The following LUC7L variants were observed in gnomAD, a reference collection of about 807,000 sequenced individuals.
The protein encoded by LUC7L is LUC7 like, also known as putative RNA-binding protein Luc7-like 1.
In LUC7L, 29 loss-of-function variants were observed where a neutral mutation model predicts 51.1. The ratio of observed to expected loss-of-function variants is 0.57; its 90% CI spans 0.42 to 0.77. The LOEUF (loss-of-function observed/expected upper bound fraction) is 0.77. Among genes scored for constraint, LUC7L ranks in the 30% least tolerant of loss-of-function variants. LUC7L has a pLI of 0.00. For synonymous variants in LUC7L, 181 were observed against 180.7 expected (o/e 1.00, Z -0.01); for missense variants, 403 against 511.9 (o/e 0.79, Z 2.05).
At chr16:219,022 G>A (rs1422636288) in intron 3 of LUC7L, among the ~76,000 whole-genome samples, 2 of 149,968 alleles carry the variant, frequency 1.3e-5, no homozygotes, top group East Asian at 3.9e-4. Context: ...TCACTGAGCC[G>A]AAGAGGTCAA....
intron 5 of LUC7L, among the ~76,000 whole-genome samples, chr16:199,445 TG>T (rs2049256075): frequency 6.6e-6 from 1 of 152,112 alleles, no homozygotes; most frequent in Admixed American, 6.6e-5. Flanking sequence ...CCCAGCACTT[TG>T]TGAGGCCAGG....
At chr16:224,023 G>C (rs1373267948) in intron 2 of LUC7L, among the ~76,000 whole-genome samples, 1 of 151,840 alleles carries the variant, frequency 6.6e-6, no homozygotes, top group Non-Finnish European at 1.5e-5. Context: ...AAAATATATA[G>C]TTTCCACAAA....
At chr16:199,461 C>T (rs948004463) in intron 5 of LUC7L, among the ~76,000 whole-genome samples, 3 of 152,096 alleles carry the variant, frequency 2.0e-5, no homozygotes, top group African/African-American at 4.8e-5. Flanking sequence ...GCCAGGTGGG[C>T]GGACCATGTG....
At chr16:202,369 AC>A (rs770812904) in intron 5 of LUC7L, among the ~76,000 whole-genome samples, 3 of 152,046 alleles carry the variant, frequency 2.0e-5, no homozygotes, top group Non-Finnish European at 4.4e-5. Flanking sequence ...AACACCTCCC[AC>A]TAGACCCCAC....
Position 229,384 on chromosome 16 carries a change from A to G in LUC7L, c.-45T>C. 6.9e-7 allele frequency: 1 copy of G among 1,446,812 alleles called. No homozygotes were observed. Among genetic ancestry groups the G allele is most frequent in the East Asian group, 2.9e-5 (1 of 34,372 alleles). 89.6% of individuals were successfully genotyped at this position (1,446,812 alleles called of 1,614,324 possible). On this transcript the variant is annotated 5_prime_UTR_variant, in exon 1 of 10. Transcript: ENST00000293872. ...GGGGTCGGCCGCGACGACTTCTCTC[A>G]GGCAGGCGGTGGCAGCGGCGTCGAC...
intron 2 of LUC7L, among the ~76,000 whole-genome samples, chr16:225,765 G>A (rs1440862667): frequency 2.6e-5 from 4 of 150,944 alleles, no homozygotes; most frequent in African/African-American, 4.9e-5. Flanking sequence ...GATTACAGGC[G>A]TGAGCCACCG....
At chr16:224,786 T>G (rs1255286338) in intron 2 of LUC7L, among the ~76,000 whole-genome samples, 2 of 151,492 alleles carry the variant, frequency 1.3e-5, no homozygotes. Context: ...TGAGCAGAGA[T>G]AGCACCATGC....
At chr16:198,976 G>A (rs750991842) in intron 6 of LUC7L, 86 bp downstream of exon 6, 35 of 1,379,374 alleles carry the variant, frequency 2.5e-5, no homozygotes, top group Admixed American at 1.6e-4. Context: ...CACCACGCCC[G>A]GCCAAAACAT....
chr16:199,819 G>A (rs765011077), intron 5 of LUC7L, among the ~76,000 whole-genome samples: 1 of 144,508 alleles, frequency 6.9e-6, no homozygotes, highest in African/African-American at 2.6e-5. Context: ...GTGAAACCCC[G>A]TCTCTACTAA....
At chr16:193,482 A>G (rs2049066836) in intron 6 of LUC7L, among the ~76,000 whole-genome samples, 1 of 151,952 alleles carries the variant, frequency 6.6e-6, no homozygotes, top group Non-Finnish European at 1.5e-5. Context: ...TGAAGAAGAT[A>G]ACACATGAAA....
intron 3 of LUC7L, among the ~76,000 whole-genome samples, chr16:211,733 C>T (rs1006359183): frequency 1.3e-5 from 2 of 152,202 alleles, no homozygotes; most frequent in African/African-American, 2.4e-5. Context: ...ACCCTAAAAG[C>T]CCCTGAGCAC....
intron 1 of LUC7L, chr16:227,946 G>C: frequency 9.9e-7 from 1 of 1,011,796 alleles, no homozygotes; most frequent in Non-Finnish European, 1.2e-6. Context: ...AAAGGAACTA[G>C]GTTAGTCAAT....
At chr16:229,040 G>A in intron 1 of LUC7L, 2 of 1,423,408 alleles carry the variant, frequency 1.4e-6, no homozygotes, top group East Asian at 2.6e-5. Flanking sequence ...ATAGGAAGGA[G>A]GCTGAAGCCC....
intron 2 of LUC7L, among the ~76,000 whole-genome samples, chr16:224,831 GA>G (rs113418171): frequency 1.0e-3 from 147 of 144,730 alleles, no homozygotes; most frequent in African/African-American, 3.3e-3. Context: ...GACTCCGTCT[GA>G]AAAAAAAAAA....
intron 2 of LUC7L, among the ~76,000 whole-genome samples, chr16:226,982 T>C (rs1596694900): frequency 6.6e-6 from 1 of 152,028 alleles, no homozygotes; most frequent in Non-Finnish European, 1.5e-5. Context: ...GCTGAGGTGG[T>C]AGGATTGCTG....
chr16:228,669 T>C, intron 1 of LUC7L: 2 of 1,184,082 alleles, frequency 1.7e-6, no homozygotes, highest in South Asian at 3.2e-5. Context: ...ACCATCATGA[T>C]CTTGAGCTCC....
intron 3 of LUC7L, among the ~76,000 whole-genome samples, chr16:213,010 G>A (rs989212505): frequency 5.3e-5 from 8 of 152,016 alleles, no homozygotes; most frequent in Non-Finnish European, 8.8e-5. Context: ...GCAATCTTCC[G>A]GCCTCTGCCT....
chr16:220,836 C>G, intron 2 of LUC7L, 89 bp from the exon 3 acceptor site: 2 of 787,086 alleles, frequency 2.5e-6, no homozygotes, highest in South Asian at 3.1e-5. Flanking sequence ...CTGTCACCAA[C>G]AGAAATGATC....
chr16:223,968 G>A (rs565758135), intron 2 of LUC7L, among the ~76,000 whole-genome samples: 3 of 151,880 alleles, frequency 2.0e-5, no homozygotes, highest in East Asian at 3.9e-4. Flanking sequence ...ATGAGCCACC[G>A]CACCTGGCCT....
Sources: allele counts gnomAD v4.1 joint callset (sites outside exome capture counted in the v4.1 genomes callset), GRCh38; gene constraint gnomAD v4.1.1; transcripts MANE v1.5; gene names NCBI Gene and HGNC (gene_info 2026-07-23, HGNC 2026-07-21).